CLIP4: variants seen among roughly 807,000 people sequenced by gnomAD.
CLIP4 encodes the protein CAP-Gly domain containing linker protein family member 4, also known as CAP-Gly domain-containing linker protein 4.
CLIP4 carries 47 observed loss-of-function variants against 73.1 expected under a neutral mutation model. The ratio of observed to expected loss-of-function variants is 0.64; its 90% confidence interval spans 0.51 to 0.82. The LOEUF (loss-of-function observed/expected upper bound fraction) is 0.82. CLIP4 is among the 40% of genes least tolerant of loss of function. The pLI, the probability that CLIP4 is intolerant of heterozygous loss-of-function variation, is 0.00. For missense variants in CLIP4, 874 were observed against 852.9 expected, an observed-to-expected ratio of 1.02 and a Z score of -0.31; for synonymous variants, 306 against 295.4, an observed-to-expected ratio of 1.04 and a Z score of -0.37.
At chr2:29,125,213 G>A (rs768279454) in intron 2 of CLIP4, among the ~76,000 whole-genome samples, 1 of 152,090 alleles carries the variant, frequency 6.6e-6, no homozygotes, top group South Asian at 2.1e-4. Context: ...CCCTACCCCG[G>A]CCCCTGGTGC....
At position 29,126,658 on chromosome 2, in the gene CLIP4, T is replaced by C. The variant is rs116796687; in HGVS notation, c.134-4600T>C. Among the ~76,000 whole-genome samples the C allele has an allele frequency of 7.7e-3, 1,180 of 152,320 alleles. 15 individuals carry two copies. Among genetic ancestry groups the C allele is most frequent in the African/African-American group, 0.027 (1,129 of 41,562 alleles). On this transcript the variant is annotated intron_variant, in intron 2 of 15. Transcript: ENST00000320081. ...TGAGATGCTGAAATGAGGATGGCAG[T>C]TTCTACCGATGGACTTTCCTGGTTT... is the stretch of plus-strand genomic sequence containing the variant.
intron 2 of CLIP4, among the ~76,000 whole-genome samples, chr2:29,126,566 T>C (rs1664618435): frequency 6.6e-6 from 1 of 152,234 alleles, no homozygotes; most frequent in South Asian, 2.1e-4. Context: ...TAACTTATTG[T>C]TATTTAAATG....
intron 1 of CLIP4, among the ~76,000 whole-genome samples, chr2:29,108,389 G>A (rs145193243): frequency 6.6e-6 from 1 of 152,334 alleles, no homozygotes; most frequent in Non-Finnish European, 1.5e-5. Context: ...CATGTACAGT[G>A]TGGAGGCCCT....
chr2:29,151,426 A>AGT (rs142322919), intron 8 of CLIP4, among the ~76,000 whole-genome samples: 175 of 151,496 alleles, frequency 1.2e-3, no homozygotes, highest in African/African-American at 4.0e-3. Context: ...AGAGAGAGAG[A>AGT]GTGTGTGTGT....
chr2:29,134,499 A>G (rs1200528853), intron 5 of CLIP4, among the ~76,000 whole-genome samples: 1 of 152,210 alleles, frequency 6.6e-6, no homozygotes, highest in Non-Finnish European at 1.5e-5. Context: ...TCTAACCTCC[A>G]ATCTGCATAA....
intron 14 of CLIP4, among the ~76,000 whole-genome samples, chr2:29,168,065 G>A (rs948925553): frequency 6.6e-6 from 1 of 152,200 alleles, no homozygotes; most frequent in East Asian, 1.9e-4. Flanking sequence ...GGTAATGCCT[G>A]TCTGTCTGTA....
intron 9 of CLIP4, among the ~76,000 whole-genome samples, chr2:29,155,532 C>A (rs989871944): frequency 6.6e-6 from 1 of 152,132 alleles, no homozygotes; most frequent in Non-Finnish European, 1.5e-5. Flanking sequence ...CAAAACATTA[C>A]CTTTGGAGGA....
rs1233908430 is a variant in CLIP4, at chr2:29,181,745, A to C, written c.1970A>C (p.Glu657Ala). ...GCTTCAGGTATCTGGCTTGGACTTG[A>C]GCTCCGAAGCGCCAAGGGAAAAAAT... Reference protein sequence around the residue: ...DFASGIWLGLELRSAKGKNDG... With the variant: ...DFASGIWLGLALRSAKGKNDG... The change falls in exon 16 of 16, where the codon GAG becomes GCG. Residue 657 changes from glutamate (E) to alanine (A), a missense_variant. Transcript: ENST00000320081. 10 of 1,613,984 alleles carry C rather than the reference A, an allele frequency of 6.2e-6. No homozygotes were observed. Among genetic ancestry groups the C allele is most frequent in the Non-Finnish European group, 7.6e-6 (9 of 1,179,954 alleles).
chr2:29,161,963 A>C (rs1017866773), intron 12 of CLIP4, among the ~76,000 whole-genome samples: 2 of 152,224 alleles, frequency 1.3e-5, no homozygotes, highest in African/African-American at 4.8e-5. Context: ...TTGCAAGCCA[A>C]CTGCGTGATT....
At chr2:29,159,481 G>A (rs1250285901) in intron 11 of CLIP4, among the ~76,000 whole-genome samples, 14 of 152,188 alleles carry the variant, frequency 9.2e-5, no homozygotes, top group Non-Finnish European at 8.8e-5. Flanking sequence ...GGTTGACAGG[G>A]CAGTGGTTTT....
intron 13 of CLIP4, among the ~76,000 whole-genome samples, 164 bp from the exon 14 acceptor site, chr2:29,167,312 T>G (rs1321450061): frequency 6.6e-6 from 1 of 152,174 alleles, no homozygotes; most frequent in Admixed American, 6.5e-5. Context: ...TAATTATTGT[T>G]TTTCTTCCAT....
intron 8 of CLIP4, among the ~76,000 whole-genome samples, chr2:29,149,029 G>C (rs1302022025): frequency 6.6e-6 from 1 of 152,210 alleles, no homozygotes; most frequent in East Asian, 1.9e-4. Flanking sequence ...GGTAGAGTTT[G>C]ACAGACTTTT....
At chr2:29,177,357 C>T (rs1454096052) in intron 15 of CLIP4, among the ~76,000 whole-genome samples, 1 of 148,432 alleles carries the variant, frequency 6.7e-6, no homozygotes, top group Non-Finnish European at 1.5e-5. Context: ...TTCATTGAGC[C>T]AAGATCATGC....
At chr2:29,128,797 A>G (rs1004796289) in intron 2 of CLIP4, among the ~76,000 whole-genome samples, 1 of 152,126 alleles carries the variant, frequency 6.6e-6, no homozygotes, top group Non-Finnish European at 1.5e-5. Flanking sequence ...AGCAAAAAAC[A>G]TATCTTCCTA....
At chr2:29,103,243 A>G in intron 1 of CLIP4, among the ~76,000 whole-genome samples, 1 of 152,220 alleles carries the variant, frequency 6.6e-6, no homozygotes. Flanking sequence ...TGGGACATAT[A>G]CTAAAAATTA....
chr2:29,158,602 T>C (rs1414458245), intron 11 of CLIP4, among the ~76,000 whole-genome samples: 1 of 151,966 alleles, frequency 6.6e-6, no homozygotes, highest in Non-Finnish European at 1.5e-5. Flanking sequence ...CTCTAGTGAG[T>C]AGATATTCCA....
chr2:29,132,573 AT>A, intron 4 of CLIP4: 1 of 244,478 alleles, frequency 4.1e-6, no homozygotes, highest in Non-Finnish European at 7.8e-6. Context: ...TTGCATACTG[AT>A]CCCTAATCTT....
chr2:29,141,630 C>T (rs1363556450), intron 6 of CLIP4, among the ~76,000 whole-genome samples: 1 of 152,192 alleles, frequency 6.6e-6, no homozygotes, highest in African/African-American at 2.4e-5. Flanking sequence ...TAATAGTGAT[C>T]ATCTGCTCCT....
chr2:29,136,069 G>C (rs13395987), intron 6 of CLIP4, among the ~76,000 whole-genome samples: 36,618 of 151,970 alleles, frequency 0.24, 5,188 homozygotes, highest in African/African-American at 0.4. Context: ...TAAGGATGAA[G>C]TAAGCCTTTG....
Sources: gnomAD v4.1 joint callset for allele counts (sites outside exome capture counted in the v4.1 genomes callset) on GRCh38, gnomAD v4.1.1 for gene constraint, MANE v1.5 for transcripts, NCBI Gene and HGNC (gene_info 2026-07-23, HGNC 2026-07-21) for gene names.